The following SORCS3 variants were observed in gnomAD, a reference collection of about 807,000 sequenced individuals.
SORCS3 encodes VPS10 domain-containing receptor SorCS3.
SORCS3 carries 57 observed loss-of-function variants against 146.3 expected under a neutral mutation model. The observed-to-expected ratio is 0.39, with a 90% confidence interval of 0.31 to 0.49. The LOEUF (loss-of-function observed/expected upper bound fraction) is 0.49. Ranked by LOEUF, SORCS3 falls within the 20% of genes least tolerant of loss-of-function variation. The pLI is 0.92. For synonymous variants in SORCS3, 653 were observed against 618.5 expected, an observed-to-expected ratio of 1.06 and a Z score of -0.83; for missense variants, 1,341 against 1,575.5, an observed-to-expected ratio of 0.85 and a Z score of 2.52.
rs113553922 is a variant in SORCS3, at chr10:105,038,384, T to C, written c.955-4671T>C. Among the ~76,000 whole-genome samples the C allele has an allele frequency of 9.4e-3, 1,438 of 152,352 alleles. 18 individuals are homozygous for C. Among genetic ancestry groups the C allele is most frequent in the African/African-American group, 0.032 (1,340 of 41,590 alleles). ...GTATAAGGAAGGATTCAACACTAAC[T>C]GTGATAATTTCTGGGACATTGTCCT... On this transcript the variant is annotated intron_variant, in intron 4 of 26. Transcript: ENST00000369701.
intron 16 of SORCS3, among the ~76,000 whole-genome samples, chr10:105,207,373 G>A (rs557124140): frequency 5.2e-4 from 79 of 151,964 alleles, no homozygotes; most frequent in African/African-American, 1.8e-3. Flanking sequence ...TGGAAAACAT[G>A]CAGGTTCCCG....
chr10:104,939,247 A>C (rs1281249962), intron 3 of SORCS3, among the ~76,000 whole-genome samples: 1 of 151,662 alleles, frequency 6.6e-6, no homozygotes, highest in Non-Finnish European at 1.5e-5. Context: ...ACTCTTGTTT[A>C]CCTCCCTAGC....
At chr10:105,163,381 C>T (rs1341889790) in intron 11 of SORCS3, among the ~76,000 whole-genome samples, 2 of 152,158 alleles carry the variant, frequency 1.3e-5, no homozygotes, top group Non-Finnish European at 2.9e-5. Flanking sequence ...TAAACTCTTA[C>T]ATGTTTAGGG....
chr10:105,097,471 G>A lies in SORCS3; in HGVS notation c.1093+7632G>A, dbSNP rs1164614091. ...TCAGTCACAGACCGACAGACAGAAG[G>A]ACACACACACCCTCCATTTAAGAGG... is the stretch of plus-strand genomic sequence containing the variant. On this transcript the variant is annotated intron_variant, in intron 6 of 26. Transcript: ENST00000369701. Among the ~76,000 whole-genome samples the A allele has an allele frequency of 2.6e-5, 4 of 152,060 alleles. No individual in the cohort carries two copies. In the South Asian group the frequency reaches 8.3e-4, roughly 32 times the overall value.
chr10:104,657,230 C>T (rs2015642736), intron 1 of SORCS3, among the ~76,000 whole-genome samples: 1 of 152,178 alleles, frequency 6.6e-6, no homozygotes, highest in Non-Finnish European at 1.5e-5. Flanking sequence ...ATCAGCCCAG[C>T]CCAGTCCAGC....
At chr10:105,006,101 C>G (rs1408956007) in intron 4 of SORCS3, among the ~76,000 whole-genome samples, 1 of 152,152 alleles carries the variant, frequency 6.6e-6, no homozygotes, top group East Asian at 1.9e-4. Context: ...GCCATCACAC[C>G]CAGCTAATTT....
chr10:104,853,157 G>A (rs2018291993), intron 2 of SORCS3, among the ~76,000 whole-genome samples: 1 of 152,208 alleles, frequency 6.6e-6, no homozygotes, highest in Admixed American at 6.5e-5. Flanking sequence ...AAGTTAGGCA[G>A]CCATGGTGGC....
intron 1 of SORCS3, among the ~76,000 whole-genome samples, chr10:104,809,889 T>G (rs2017721719): frequency 6.6e-6 from 1 of 152,212 alleles, no homozygotes; most frequent in African/African-American, 2.4e-5. Context: ...AAGTTGCTCA[T>G]CGAGCCACAG....
intron 2 of SORCS3, among the ~76,000 whole-genome samples, chr10:104,856,260 C>G (rs1156629508): frequency 6.6e-6 from 1 of 151,350 alleles, no homozygotes; most frequent in Non-Finnish European, 1.5e-5. Context: ...CCAGGTGCCC[C>G]TAATTGGTTG....
At chr10:104,767,669 T>C (rs1167022453) in intron 1 of SORCS3, among the ~76,000 whole-genome samples, 1 of 101,692 alleles carries the variant, frequency 9.8e-6, no homozygotes, top group African/African-American at 3.9e-5. Context: ...CCCCTTCCCC[T>C]TCTCCACTCC....
intron 1 of SORCS3, among the ~76,000 whole-genome samples, chr10:104,740,542 C>A (rs2016829292): frequency 6.6e-6 from 1 of 152,136 alleles, no homozygotes; most frequent in Admixed American, 6.6e-5. Context: ...TAAATTGTTG[C>A]TTTCTTAGTG....
chr10:105,079,284 G>C (rs541478106), intron 5 of SORCS3, among the ~76,000 whole-genome samples: 1 of 152,160 alleles, frequency 6.6e-6, no homozygotes, highest in Non-Finnish European at 1.5e-5. Context: ...TAGGGCCTAT[G>C]CATTTGTATT....
At chr10:104,864,935 A>T (rs1433728884) in intron 2 of SORCS3, among the ~76,000 whole-genome samples, 3 of 151,862 alleles carry the variant, frequency 2.0e-5, no homozygotes, top group African/African-American at 4.8e-5. Context: ...GGTCTTTTTT[A>T]TCTTTTGTCT....
rs976686547 is a variant in SORCS3, at chr10:104,728,470, G to A, written c.627+86516G>A. ...ATCTGGATTCTGGGAGTTTGTGTGT[G>A]TCAGGGATGATAATAGGAAGTTGAT... On this transcript the variant is annotated intron_variant, in intron 1 of 26. Coordinates refer to ENST00000369701, the MANE Select transcript of SORCS3 (RefSeq NM_014978.3). Among the ~76,000 whole-genome samples, 4 of 152,296 alleles carry A rather than the reference G, an allele frequency of 2.6e-5. No individual in the cohort carries two copies. In the South Asian group the frequency reaches 6.2e-4, roughly 24 times the overall value.
chr10:104,997,725 T>C (rs577629643), intron 4 of SORCS3, among the ~76,000 whole-genome samples: 1 of 152,332 alleles, frequency 6.6e-6, no homozygotes, highest in African/African-American at 2.4e-5. Context: ...GTCATGTGTG[T>C]ATCTTAGCTC....
intron 2 of SORCS3, among the ~76,000 whole-genome samples, chr10:104,859,448 C>T (rs1164789742): frequency 6.6e-6 from 1 of 152,154 alleles, no homozygotes; most frequent in Non-Finnish European, 1.5e-5. Flanking sequence ...AACGTTAGAC[C>T]TAAAGCCATA....
chr10:105,113,271 A>G (rs1306354771), intron 7 of SORCS3, among the ~76,000 whole-genome samples: 1 of 152,318 alleles, frequency 6.6e-6, no homozygotes, highest in Non-Finnish European at 1.5e-5. Flanking sequence ...TCCAGGCTCA[A>G]ATCTTTTCTC....
At chr10:104,791,189 T>C (rs1384796895) in intron 1 of SORCS3, among the ~76,000 whole-genome samples, 1 of 152,050 alleles carries the variant, frequency 6.6e-6, no homozygotes. Context: ...TGAGAAAGGC[T>C]AGAAAAGCCG....
At chr10:104,669,996 G>A (rs1436004418) in intron 1 of SORCS3, among the ~76,000 whole-genome samples, 1 of 151,548 alleles carries the variant, frequency 6.6e-6, no homozygotes, top group African/African-American at 2.4e-5. Context: ...ATCTTTTCAT[G>A]TGCTTATTAG....
Sources: gnomAD v4.1 joint callset for allele counts (sites outside exome capture counted in the v4.1 genomes callset) on GRCh38, gnomAD v4.1.1 for gene constraint, MANE v1.5 for transcripts, NCBI Gene and HGNC (gene_info 2026-07-23, HGNC 2026-07-21) for gene names.